The following NRDC variants were observed in gnomAD, a reference collection of about 807,000 sequenced individuals.
NRDC encodes nardilysin convertase.
Under a neutral mutation model 147.1 loss-of-function variants are expected in NRDC, and 54 were observed. The ratio of observed to expected loss-of-function variants is 0.37; its 90% CI spans 0.29 to 0.46. NRDC has a LOEUF of 0.46. Ranked by LOEUF, NRDC falls within the 20% of genes least tolerant of loss-of-function variation. The pLI is 1.00. For missense variants in NRDC, 1,082 were observed against 1,370.6 expected (o/e 0.79, Z 3.33); for synonymous variants, 440 against 482.1 (o/e 0.91, Z 1.14).
chr1:51,834,369 G>A (rs1465148796), intron 3 of NRDC, among the ~76,000 whole-genome samples, 199 bp from the exon 4 acceptor site: 1 of 151,366 alleles, frequency 6.6e-6, no homozygotes, highest in Non-Finnish European at 1.5e-5. Flanking sequence ...TGCAATCTTG[G>A]CTCACTGCAA....
intron 20 of NRDC, among the ~76,000 whole-genome samples, chr1:51,801,742 T>C (rs1679213084): frequency 6.6e-6 from 1 of 152,208 alleles, no homozygotes; most frequent in Non-Finnish European, 1.5e-5. Context: ...GTGTTCATCA[T>C]TTTATCAGTT....
intron 19 of NRDC, 41 bp from the exon 20 acceptor site, chr1:51,804,005 G>C (rs368518521): frequency 1.3e-6 from 2 of 1,517,250 alleles, no homozygotes; most frequent in African/African-American, 2.8e-5. Flanking sequence ...TAATTGGTAA[G>C]AAAGACACAT....
At chr1:51,848,397 C>A (rs575259114) in intron 1 of NRDC, among the ~76,000 whole-genome samples, 61 of 152,248 alleles carry the variant, frequency 4.0e-4, no homozygotes, top group Admixed American at 6.5e-4. Flanking sequence ...AGGAGAATGG[C>A]GTGAACCCGG....
intron 4 of NRDC, among the ~76,000 whole-genome samples, chr1:51,832,290 G>A (rs1443195262): frequency 4.0e-5 from 6 of 151,854 alleles, no homozygotes; most frequent in Admixed American, 2.0e-4. Context: ...CAAGTTATCC[G>A]CCCACCTCGG....
chr1:51,810,257 A>G (rs1311895950), intron 16 of NRDC, 24 bp downstream of exon 16: 3 of 1,547,472 alleles, frequency 1.9e-6, no homozygotes, highest in African/African-American at 1.4e-5. Context: ...ACCTAAATGT[A>G]AGACAATTGT....
chr1:51,825,985 C>A (rs1680427305), intron 5 of NRDC, among the ~76,000 whole-genome samples: 1 of 152,176 alleles, frequency 6.6e-6, no homozygotes, highest in Non-Finnish European at 1.5e-5. Context: ...TAAAAGAGAC[C>A]TCAGAGTGCT....
chr1:51,844,809 GGGAGGAAA>G (rs1681459498), intron 1 of NRDC, among the ~76,000 whole-genome samples: 1 of 89,018 alleles, frequency 1.1e-5, no homozygotes, highest in Non-Finnish European at 2.3e-5. Context: ...GGGGGAGGGA[GGGAGGAAA>G]GAAGGAAGGA....
intron 3 of NRDC, among the ~76,000 whole-genome samples, chr1:51,835,167 T>G (rs1365218162): frequency 6.6e-6 from 1 of 152,092 alleles, no homozygotes; most frequent in African/African-American, 2.4e-5. Context: ...ATTCAAGTGA[T>G]TCTCCTGCCT....
intron 1 of NRDC, among the ~76,000 whole-genome samples, chr1:51,876,821 G>A (rs184796689): frequency 3.5e-4 from 53 of 152,370 alleles, no homozygotes; most frequent in African/African-American, 1.2e-3. Context: ...TTGCGCTAAC[G>A]CTGTAGGGGC....
At chr1:51,848,201 C>A (rs967391597) in intron 1 of NRDC, among the ~76,000 whole-genome samples, 1 of 152,032 alleles carries the variant, frequency 6.6e-6, no homozygotes, top group Non-Finnish European at 1.5e-5. Flanking sequence ...TACGGTGGGG[C>A]GCGGTGGCCC....
Position 51,825,271 on chromosome 1 carries a change from G to A in NRDC, c.1036+16C>T. 1 of 1,357,412 alleles carries A rather than the reference G, an allele frequency of 7.4e-7. No homozygotes were observed. The allele number at this position is 1,357,412 out of a possible 1,614,324, so 84.1% of individuals were successfully genotyped here. On this transcript the variant is annotated intron_variant, in intron 6 of 30. Transcript: ENST00000352171. Reference sequence around the variant, plus strand: ...ACTAGAAAATATGAAATAAGATGATGTATTTAGTATCTTACCCCAAAAAAA... The same window carrying A: ...ACTAGAAAATATGAAATAAGATGATATATTTAGTATCTTACCCCAAAAAAA...
chr1:51,806,686 CT>C (rs1679479431), intron 18 of NRDC, 107 bp downstream of exon 18: 1 of 1,209,350 alleles, frequency 8.3e-7, no homozygotes. Flanking sequence ...CCCCAGCCTC[CT>C]CCACAAAGGA....
chr1:51,863,525 G>C (rs1682656266), intron 1 of NRDC, among the ~76,000 whole-genome samples: 1 of 152,142 alleles, frequency 6.6e-6, no homozygotes, highest in South Asian at 2.1e-4. Flanking sequence ...TGAATCACAA[G>C]TAATGGCAAG....
At chr1:51,807,882 T>C (rs1342598006) in intron 17 of NRDC, among the ~76,000 whole-genome samples, 2 of 151,034 alleles carry the variant, frequency 1.3e-5, no homozygotes, top group African/African-American at 4.9e-5. Context: ...CTCAACTCAC[T>C]GCAACCTCGG....
At chr1:51,811,861 T>C in intron 15 of NRDC, 133 bp downstream of exon 15, 1 of 549,602 alleles carries the variant, frequency 1.8e-6, no homozygotes, top group Non-Finnish European at 3.2e-6. Flanking sequence ...TTGATACTTC[T>C]GTTTAAACAA....
At chr1:51,858,681 ACT>A (rs1433296633) in intron 1 of NRDC, among the ~76,000 whole-genome samples, 2 of 152,180 alleles carry the variant, frequency 1.3e-5, no homozygotes, top group Non-Finnish European at 2.9e-5. Flanking sequence ...AGCACAGAGT[ACT>A]GTTTTCTTTG....
intron 6 of NRDC, 37 bp from the exon 7 acceptor site, chr1:51,823,823 GT>G: frequency 6.7e-7 from 1 of 1,485,226 alleles, no homozygotes; most frequent in Non-Finnish European, 9.2e-7. Context: ...ATATAACTAA[GT>G]TAACTTTGTT....
intron 1 of NRDC, among the ~76,000 whole-genome samples, chr1:51,874,790 C>T (rs1327656131): frequency 6.6e-6 from 1 of 152,056 alleles, no homozygotes; most frequent in African/African-American, 2.4e-5. Flanking sequence ...CCTAAAAAAG[C>T]ATAATAGGTG....
chr1:51,849,758 G>A (rs1681846386), intron 1 of NRDC, among the ~76,000 whole-genome samples: 1 of 152,070 alleles, frequency 6.6e-6, no homozygotes, highest in South Asian at 2.1e-4. Flanking sequence ...GGAGCTTGCA[G>A]TGAGCCGAGA....
Sources: allele counts gnomAD v4.1 joint callset (sites outside exome capture counted in the v4.1 genomes callset), GRCh38; gene constraint gnomAD v4.1.1; transcripts MANE v1.5; gene names NCBI Gene and HGNC (gene_info 2026-07-23, HGNC 2026-07-21).